ADAMTSL1: variants seen among roughly 807,000 people sequenced by gnomAD.
ADAMTSL1 encodes ADAMTS-like protein 1.
A neutral mutation model predicts 201.8 loss-of-function variants in ADAMTSL1; 126 were observed. The observed-to-expected ratio is 0.62, with a 90% CI of 0.54 to 0.72. ADAMTSL1 has a LOEUF of 0.72. ADAMTSL1 is among the 30% of genes least tolerant of loss of function. The pLI is 0.00. For synonymous variants in ADAMTSL1, 1,121 were observed against 903.4 expected (o/e 1.24, Z -4.32); for missense variants, 2,679 against 2,277.8 (o/e 1.18, Z -3.59).
chr9:18,471,112 A>G (rs1821191872), upstream of ADAMTSL1, among the ~76,000 whole-genome samples: 1 of 152,190 alleles, frequency 6.6e-6, no homozygotes, highest in African/African-American at 2.4e-5. Context: ...AGAAATGAGA[A>G]AGTCAAGACA....
chr9:18,871,212 A>G (rs1284177709), intron 23 of ADAMTSL1, among the ~76,000 whole-genome samples: 1 of 152,220 alleles, frequency 6.6e-6, no homozygotes, highest in Non-Finnish European at 1.5e-5. Context: ...GGAGCCTATT[A>G]TTAGAAAAAT....
chr9:17,913,591 C>A (rs1406658122), intron 1 of ADAMTSL1, among the ~76,000 whole-genome samples: 1 of 151,958 alleles, frequency 6.6e-6, no homozygotes, highest in East Asian at 1.9e-4. Flanking sequence ...AATTGACACC[C>A]TAACATCACA....
At chr9:18,155,614 C>T (rs1827118447) in intron 1 of ADAMTSL1, among the ~76,000 whole-genome samples, 1 of 152,026 alleles carries the variant, frequency 6.6e-6, no homozygotes, top group Non-Finnish European at 1.5e-5. Context: ...ATGTATGCCT[C>T]AAGACAATTC....
intron 2 of ADAMTSL1, among the ~76,000 whole-genome samples, chr9:18,170,784 G>A (rs1827855716): frequency 6.6e-6 from 1 of 152,086 alleles, no homozygotes; most frequent in African/African-American, 2.4e-5. Flanking sequence ...GGAGAGAATG[G>A]ATGTGTCACA....
intron 2 of ADAMTSL1, among the ~76,000 whole-genome samples, chr9:18,322,474 A>G (rs1394071699): frequency 6.6e-6 from 1 of 152,122 alleles, no homozygotes; most frequent in African/African-American, 2.4e-5. Context: ...CTCTACTAAA[A>G]GTACAAAAAT....
chr9:18,495,346 CTG>C (rs911325748), intron 1 of ADAMTSL1, among the ~76,000 whole-genome samples: 26 of 152,264 alleles, frequency 1.7e-4, no homozygotes, highest in African/African-American at 6.3e-4. Flanking sequence ...GTAGTGACCT[CTG>C]AGACTAATCA....
chr9:18,402,924 C>T (rs181151094), intron 2 of ADAMTSL1, among the ~76,000 whole-genome samples: 3 of 152,220 alleles, frequency 2.0e-5, no homozygotes, highest in South Asian at 4.1e-4. Flanking sequence ...CAGTACTCAA[C>T]GTGCATTCTC....
chr9:18,139,334 T>G (rs961678310), intron 1 of ADAMTSL1, among the ~76,000 whole-genome samples: 15 of 152,208 alleles, frequency 9.9e-5, no homozygotes, highest in African/African-American at 3.6e-4. Flanking sequence ...CAAGGTCTCC[T>G]ACACCTTGAA....
intron 7 of ADAMTSL1, among the ~76,000 whole-genome samples, chr9:18,645,069 T>A (rs1458189252): frequency 1.3e-5 from 2 of 152,184 alleles, no homozygotes; most frequent in African/African-American, 4.8e-5. Context: ...GACTTTTTAA[T>A]GATTGCCATT....
intron 14 of ADAMTSL1, 83 bp from the exon 15 acceptor site, chr9:18,721,453 A>G: frequency 1.3e-6 from 2 of 1,556,516 alleles, no homozygotes; most frequent in Non-Finnish European, 1.7e-6. Context: ...GGGACCTCCC[A>G]CCAGCTGCCT....
intron 1 of ADAMTSL1, among the ~76,000 whole-genome samples, chr9:18,086,342 T>G (rs1823770118): frequency 6.6e-6 from 1 of 151,890 alleles, no homozygotes; most frequent in Non-Finnish European, 1.5e-5. Flanking sequence ...TAACCTTAAA[T>G]AAAACAGAGT....
intron 1 of ADAMTSL1, among the ~76,000 whole-genome samples, chr9:17,972,323 G>GCT (rs1818241313): frequency 1.5e-5 from 1 of 67,326 alleles, no homozygotes; most frequent in East Asian, 6.0e-4. Context: ...CTCCCCCCAA[G>GCT]CTACAACAGT....
At chr9:18,827,811 A>G (rs893498656) in intron 22 of ADAMTSL1, among the ~76,000 whole-genome samples, 4 of 152,214 alleles carry the variant, frequency 2.6e-5, no homozygotes, top group African/African-American at 4.8e-5. Flanking sequence ...AGAGCAAAAC[A>G]TCTTCCCCAT....
At chr9:18,672,708 A>T (rs1384277604) in intron 9 of ADAMTSL1, among the ~76,000 whole-genome samples, 1 of 152,210 alleles carries the variant, frequency 6.6e-6, no homozygotes, top group African/African-American at 2.4e-5. Context: ...AATGACTCAA[A>T]AACCATTATG....
At chr9:18,107,177 T>G (rs1824796274) in intron 1 of ADAMTSL1, among the ~76,000 whole-genome samples, 1 of 152,190 alleles carries the variant, frequency 6.6e-6, no homozygotes, top group African/African-American at 2.4e-5. Context: ...GCATTAGATA[T>G]TTGTAAGTTA....
At chr9:18,647,081 T>C (rs930388822) in intron 7 of ADAMTSL1, among the ~76,000 whole-genome samples, 18 of 152,196 alleles carry the variant, frequency 1.2e-4, no homozygotes, top group Admixed American at 2.6e-4. Context: ...GTTATTGGTC[T>C]ACTCAGAGAT....
At chr9:18,384,493 C>T (rs537509665) in intron 2 of ADAMTSL1, among the ~76,000 whole-genome samples, 1 of 152,274 alleles carries the variant, frequency 6.6e-6, no homozygotes, top group South Asian at 2.1e-4. Flanking sequence ...GGTCCTTCCT[C>T]CTTCAATGCC....
In ADAMTSL1 at chr9:18,661,935, G is replaced by A; in HGVS notation, c.947G>A (p.Gly316Asp). 6.2e-7 allele frequency: 1 copy of A among 1,612,630 alleles called. No individual in the cohort carries two copies. The highest frequency in any genetic ancestry group is 8.5e-7 in the Non-Finnish European group (1 of 1,179,502). Residue 316 changes from glycine to aspartate, a missense_variant and splice_region_variant, in exon 9 of 29, where the codon GGT (glycine) becomes GAT (aspartate). Transcript: ENST00000380548. The part of the protein sequence containing the change: ...FFPCSATCGG[G>D]YQLTSAECYD... ...TTGCCTGGATGGTTTGATACTACAG[G>A]TTATCAGCTGACATCGGCTGAGTGC...
intron 3 of ADAMTSL1, among the ~76,000 whole-genome samples, chr9:18,539,093 C>G (rs1319653686): frequency 1.3e-5 from 2 of 152,190 alleles, no homozygotes; most frequent in Non-Finnish European, 2.9e-5. Context: ...TTCCCATACT[C>G]TAGTCCTTAT....
Sources: allele counts gnomAD v4.1 joint callset (sites outside exome capture counted in the v4.1 genomes callset), GRCh38; gene constraint gnomAD v4.1.1; transcripts MANE v1.5; gene names NCBI Gene and HGNC (gene_info 2026-07-23, HGNC 2026-07-21).